The following CLEC4A variants were observed in gnomAD, a reference collection of about 807,000 sequenced individuals.
CLEC4A encodes the protein C-type (calcium dependent, carbohydrate-recognition domain) lectin, superfamily member 6.
In CLEC4A, 27 loss-of-function variants were observed where a neutral mutation model predicts 32.7. The ratio of observed to expected loss-of-function variants is 0.83; its 90% CI spans 0.61 to 1.14. The LOEUF (loss-of-function observed/expected upper bound fraction) is 1.14. Among genes scored for constraint, CLEC4A ranks in the 50% most tolerant of loss-of-function variants. CLEC4A has a pLI of 0.00. For synonymous variants in CLEC4A, 89 were observed against 93.7 expected (o/e 0.95, Z 0.29); for missense variants, 253 against 274.6 (o/e 0.92, Z 0.55).
chr12:8,120,583 A>T (rs1345503095), upstream of CLEC4A, among the ~76,000 whole-genome samples: 1 of 152,210 alleles, frequency 6.6e-6, no homozygotes, highest in African/African-American at 2.4e-5. Flanking sequence ...GTCTTCCCTC[A>T]TAATAGGTAC....
At chr12:8,124,072 T>G in intron 1 of CLEC4A, 112 bp downstream of exon 1, 1 of 725,800 alleles carries the variant, frequency 1.4e-6, no homozygotes, top group East Asian at 2.6e-5. Flanking sequence ...TGAGTATGTC[T>G]GGGAAACACA....
chr12:8,110,856 T>G, the CLEC4A span, among the ~76,000 whole-genome samples: 1 of 152,130 alleles, frequency 6.6e-6, no homozygotes, highest in African/African-American at 2.4e-5. Flanking sequence ...GTCAATAATT[T>G]TGTGTGCATC....
chr12:8,132,640 T>C (rs2120608191), intron 3 of CLEC4A, among the ~76,000 whole-genome samples: 1 of 152,240 alleles, frequency 6.6e-6, no homozygotes, highest in East Asian at 1.9e-4. Flanking sequence ...TCTATAAATG[T>C]GGATTGGATC....
At position 8,125,667 on chromosome 12, in the gene CLEC4A, T is replaced by A. The variant is rs1346751978; in HGVS notation, c.189T>A (p.Ile63=). ...FFLLLAISFF[I]AFVIFFQKYS... ...TGCTATTGGCAATCTCATTCTTTAT[T>A]GCTTTTGTCAGTAAGTATGCCAACT... Residue 63 remains isoleucine, a synonymous_variant, in exon 2 of 6, where the codon ATT becomes ATA. Transcript: ENST00000229332. 1 of 1,597,580 alleles carries A rather than the reference T, an allele frequency of 6.3e-7. No homozygotes were observed. Among genetic ancestry groups the A allele is most frequent in the Non-Finnish European group, 8.6e-7 (1 of 1,165,066 alleles).
Position 8,138,178 on chromosome 12 carries a change from G to T in CLEC4A, c.605G>T (p.Arg202Leu). ...CGTGAGCCCAGTGATCCCAATGAGC[G>T]CTGCGTTGTGCTAAATTTTCGTAAA... ...HPREPSDPNE[R>L]CVVLNFRKSP... The change falls in exon 6 of 6, where the codon CGC (arginine) becomes CTC (leucine). Residue 202 changes from arginine (R) to leucine (L), a missense_variant. By Grantham distance (102) the Arg-to-Leu change is moderately radical. Coordinates refer to ENST00000229332, the MANE Select transcript of CLEC4A (RefSeq NM_016184.4). 1 of 1,614,058 alleles carries T rather than the reference G, an allele frequency of 6.2e-7. No homozygotes were observed. The highest frequency in any genetic ancestry group is 8.5e-7 in the Non-Finnish European group (1 of 1,180,014).
chr12:8,133,276 C>T (rs975675199), intron 3 of CLEC4A, among the ~76,000 whole-genome samples: 1 of 152,004 alleles, frequency 6.6e-6, no homozygotes, highest in African/African-American at 2.4e-5. Flanking sequence ...GTCTAGAACT[C>T]CCGACCACAG....
chr12:8,111,373 T>A, the CLEC4A span, among the ~76,000 whole-genome samples: 1 of 150,730 alleles, frequency 6.6e-6, no homozygotes, highest in Non-Finnish European at 1.5e-5. Flanking sequence ...GGACACAGGG[T>A]TTCACCATGT....
chr12:8,129,012 T>G (rs1947947914), intron 2 of CLEC4A, among the ~76,000 whole-genome samples: 1 of 152,016 alleles, frequency 6.6e-6, no homozygotes, highest in Non-Finnish European at 1.5e-5. Flanking sequence ...ATGCATCTTA[T>G]ATTAAGTATT....
rs775662970 is a variant in CLEC4A at position 8,125,569 on chromosome 12, G to C, written c.91G>C (p.Glu31Gln). 1.2e-6 allele frequency: 2 copies of C among 1,602,192 alleles called. No individual in the cohort carries two copies. Among genetic ancestry groups the C allele is most frequent in the Admixed American group, 3.3e-5 (2 of 59,868 alleles). Residue 31 changes from glutamate to glutamine, a missense_variant, in exon 2 of 6, where the codon GAG becomes CAG. Glu to Gln is a conservative substitution (Grantham distance 29). Coordinates refer to ENST00000229332, the MANE Select transcript of CLEC4A (RefSeq NM_016184.4). ...INTASSAASK[E>Q]RTAPHKSNTG... Reference sequence around the variant, plus strand: ...TTTGGCTTCTTCTTCAGCTTCCAAGGAGAGGACTGCCCCTCACAAAAGTAA... The same window carrying C: ...TTTGGCTTCTTCTTCAGCTTCCAAGCAGAGGACTGCCCCTCACAAAAGTAA...
At chr12:8,116,253 C>T in the CLEC4A span, among the ~76,000 whole-genome samples, 1 of 152,172 alleles carries the variant, frequency 6.6e-6, no homozygotes, top group African/African-American at 2.4e-5. Flanking sequence ...TGAGCCACCG[C>T]ACCCGGTCTA....
intron 2 of CLEC4A, among the ~76,000 whole-genome samples, chr12:8,128,648 C>T (rs1184934168): frequency 6.6e-6 from 1 of 152,216 alleles, no homozygotes; most frequent in Middle Eastern, 3.4e-3. Context: ...TGACCTGCCT[C>T]GACCTCCCAA....
the CLEC4A span, among the ~76,000 whole-genome samples, chr12:8,117,913 A>T: frequency 6.6e-5 from 10 of 152,290 alleles, no homozygotes; most frequent in South Asian, 2.1e-3. Context: ...GCAGGTCTCA[A>T]TTGATTTACA....
the CLEC4A span, among the ~76,000 whole-genome samples, chr12:8,111,472 A>T: frequency 2.0e-5 from 3 of 152,086 alleles, no homozygotes; most frequent in Non-Finnish European, 4.4e-5. Context: ...GAGCCACTGC[A>T]CCTGGCCTTC....
chr12:8,134,264 A>G (rs748471072), intron 3 of CLEC4A: 34 of 1,612,410 alleles, frequency 2.1e-5, no homozygotes, highest in Non-Finnish European at 2.4e-5. Context: ...CAGCTCACAC[A>G]TGTTCTTGAA....
At chr12:8,118,687 C>T (rs1197778551), upstream of CLEC4A, among the ~76,000 whole-genome samples, 2 of 152,172 alleles carry the variant, frequency 1.3e-5, no homozygotes, top group Non-Finnish European at 2.9e-5. Flanking sequence ...GATCCAGTCA[C>T]CTCCTACCAG....
Position 8,133,808 on chromosome 12 carries a change from G to C in CLEC4A, c.299-1777G>C, listed in dbSNP as rs1293263675. 6.3e-6 allele frequency: 10 copies of C among 1,585,422 alleles called. No individual in the cohort carries two copies. In the Admixed American group the frequency reaches 9.1e-5, roughly 14 times the overall value. Reference sequence around the variant, plus strand: ...CATGGGAGAGCCCAGAGTGGTGACGGAGACAGGGGGAAAGGCTTCCCCCTC... The same window carrying C: ...CATGGGAGAGCCCAGAGTGGTGACGCAGACAGGGGGAAAGGCTTCCCCCTC... On this transcript the variant is annotated intron_variant, in intron 3 of 5. Transcript: ENST00000229332.
chr12:8,129,549 T>C (rs1388611341), intron 3 of CLEC4A, among the ~76,000 whole-genome samples, 187 bp downstream of exon 3: 6 of 152,166 alleles, frequency 3.9e-5, no homozygotes, highest in Admixed American at 3.3e-4. Flanking sequence ...TCCCAGCACT[T>C]TGGGAGGCTG....
chr12:8,104,412 A>G, the CLEC4A span, among the ~76,000 whole-genome samples: 2 of 152,196 alleles, frequency 1.3e-5, no homozygotes, highest in Non-Finnish European at 2.9e-5. Context: ...TGTGGTCATA[A>G]TTACAAATCA....
Position 8,138,567 on chromosome 12 carries a change from A to C in CLEC4A, c.*280A>C, listed in dbSNP as rs943447395. The C allele has an allele frequency of 1.3e-5, 3 of 238,004 alleles. No individual in the cohort carries two copies. The highest frequency in any genetic ancestry group is 6.8e-5 in the African/African-American group (3 of 43,868). The allele number at this position is 238,004 out of a possible 1,614,324, so 14.7% of individuals were successfully genotyped here. On this transcript the variant is annotated 3_prime_UTR_variant, in exon 6 of 6. Transcript: ENST00000229332. ...CTCTCTTAATTTTTATCTGGTTGCTAAAGAATTATTTACCAATAAAATTAT... is the reference window on the plus strand; with the variant it reads ...CTCTCTTAATTTTTATCTGGTTGCTCAAGAATTATTTACCAATAAAATTAT...
Sources: gnomAD v4.1 joint callset for allele counts (sites outside exome capture counted in the v4.1 genomes callset) on GRCh38, gnomAD v4.1.1 for gene constraint, MANE v1.5 for transcripts, NCBI Gene and HGNC (gene_info 2026-07-23, HGNC 2026-07-21) for gene names.